The following IL12RB2 variants were observed in gnomAD, a reference collection of about 807,000 sequenced individuals.
IL12RB2 encodes interleukin-12 receptor subunit beta-2.
Under a neutral mutation model 89.4 loss-of-function variants are expected in IL12RB2, and 82 were observed. That is an observed-to-expected ratio of 0.92 (90% CI 0.77 to 1.10). IL12RB2 has a LOEUF of 1.10. IL12RB2 is among the 50% of genes least tolerant of loss of function. The probability of loss-of-function intolerance (pLI) is 0.00; values close to 1 mark genes in which losing one functional copy is unlikely to be tolerated. For missense variants in IL12RB2, 963 were observed against 1,031.9 expected (o/e 0.93, Z 0.92); for synonymous variants, 368 against 370.1 (o/e 0.99, Z 0.07).
At position 67,323,041 on chromosome 1, in the gene IL12RB2, C is replaced by G. The variant is rs1226301903; in HGVS notation, c.364+1152C>G. Among the ~76,000 whole-genome samples, 9 of 152,280 alleles carry G rather than the reference C, an allele frequency of 5.9e-5. No individual in the cohort carries two copies. The East Asian group carries it at 1.7e-3, about 29-fold the overall frequency. Reference sequence around the variant, plus strand: ...GAATTGCTCTAGCAGGCTGGCTGACCAAGCCTCATAGACATCATCTCTGTC... The same window carrying G: ...GAATTGCTCTAGCAGGCTGGCTGACGAAGCCTCATAGACATCATCTCTGTC... On this transcript the variant is annotated intron_variant, in intron 4 of 16. Transcript: ENST00000674203.
chr1:67,370,428 C>A (rs1009399903), intron 11 of IL12RB2, among the ~76,000 whole-genome samples: 1 of 152,150 alleles, frequency 6.6e-6, no homozygotes, highest in Non-Finnish European at 1.5e-5. Flanking sequence ...TCTAGAAAAC[C>A]TTCCCTGCAC....
chr1:67,351,459 T>C (rs192060070), intron 10 of IL12RB2, among the ~76,000 whole-genome samples: 101 of 152,304 alleles, frequency 6.6e-4, no homozygotes, highest in African/African-American at 2.4e-3. Flanking sequence ...GAGAAATACG[T>C]GTTATGTTTC....
chr1:67,398,089 C>T lies in IL12RB2; in HGVS notation c.*2000C>T, dbSNP rs370134784. Among the ~76,000 whole-genome samples, 2 of 152,032 alleles carry T rather than the reference C, an allele frequency of 1.3e-5. No individual in the cohort carries two copies. Among genetic ancestry groups the T allele is most frequent in the Non-Finnish European group, 2.9e-5 (2 of 68,010 alleles). On this transcript the variant is annotated 3_prime_UTR_variant, in exon 17 of 17. Transcript: ENST00000674203. ...TCAGGCTTTTTTTGAAAAGTTCCTT[C>T]GTTTCTATTTCTATTCCACTCTATT...
At position 67,396,244 on chromosome 1, in the gene IL12RB2, A is replaced by G; in HGVS notation, c.*155A>G. The G allele has an allele frequency of 1.4e-6, 1 of 737,928 alleles. No homozygotes were observed. Among genetic ancestry groups the G allele is most frequent in the Non-Finnish European group, 2.5e-6 (1 of 404,694 alleles). The allele number at this position is 737,928 out of a possible 1,614,324, so 45.7% of individuals were successfully genotyped here. ...GGCAAGCCAGCTCTGGGGGAGTCTT[A>G]GGAACTGGGAGTTGGTCTTCACTCA... On this transcript the variant is annotated 3_prime_UTR_variant, in exon 17 of 17. Transcript: ENST00000674203.
At position 67,339,776 on chromosome 1, in the gene IL12RB2, T is replaced by C. The variant is rs539408147; in HGVS notation, c.1038+1073T>C. Among the ~76,000 whole-genome samples, 3 of 152,220 alleles carry C rather than the reference T, an allele frequency of 2.0e-5. No homozygotes were observed. The East Asian group carries it at 5.8e-4, about 29-fold the overall frequency. ...TATCAGAGAGAGGAAAGAGAGGAAG[T>C]TCTTGCCCAAAGTCACCCAGCTACT... On this transcript the variant is annotated intron_variant, in intron 9 of 16. Coordinates refer to ENST00000674203, the MANE Select transcript of IL12RB2 (RefSeq NM_001374259.2).
Position 67,396,363 on chromosome 1 carries a change from G to T in IL12RB2, c.*274G>T. The T allele has an allele frequency of 5.5e-6, 3 of 541,970 alleles. No individual in the cohort carries two copies. Among genetic ancestry groups the T allele is most frequent in the Non-Finnish European group, 1.0e-5 (3 of 299,268 alleles). The allele number at this position is 541,970 out of a possible 1,614,324, so 33.6% of individuals were successfully genotyped here. On this transcript the variant is annotated 3_prime_UTR_variant, in exon 17 of 17. Coordinates refer to ENST00000674203, the MANE Select transcript of IL12RB2 (RefSeq NM_001374259.2). ...ACTTGAATTCCTAGTAACTTTCTTGGTATGCTGGCCAGAAAGGGAAATGAG... is the reference window on the plus strand; with the variant it reads ...ACTTGAATTCCTAGTAACTTTCTTGTTATGCTGGCCAGAAAGGGAAATGAG...
At chr1:67,371,416 GA>G (rs11300482) in intron 11 of IL12RB2, among the ~76,000 whole-genome samples, 21,366 of 144,900 alleles carry the variant, frequency 0.15, 1,600 homozygotes, top group Middle Eastern at 0.22. Context: ...TATTCTTCCT[GA>G]AAAAAAAAAA....
intron 13 of IL12RB2, among the ~76,000 whole-genome samples, chr1:67,376,163 A>T (rs1191591241): frequency 2.0e-5 from 3 of 152,002 alleles, no homozygotes; most frequent in Admixed American, 2.0e-4. Flanking sequence ...ACATTTTTCT[A>T]CTGGAGAACA....
intron 8 of IL12RB2, among the ~76,000 whole-genome samples, chr1:67,331,067 G>A (rs1658017254): frequency 1.3e-5 from 2 of 152,142 alleles, no homozygotes; most frequent in Admixed American, 1.3e-4. Flanking sequence ...TGGTTATAAT[G>A]CTTGGTTATA....
chr1:67,375,302 G>A (rs1423397485), intron 13 of IL12RB2, among the ~76,000 whole-genome samples: 1 of 152,162 alleles, frequency 6.6e-6, no homozygotes, highest in East Asian at 1.9e-4. Context: ...AGGCTGAGGT[G>A]TGAGGATCAC....
chr1:67,379,790 G>A, intron 13 of IL12RB2, 196 bp from the exon 14 acceptor site: 2 of 557,502 alleles, frequency 3.6e-6, no homozygotes, highest in Non-Finnish European at 6.4e-6. Flanking sequence ...ATATGCTGTG[G>A]AGTGAGATGT....
intron 13 of IL12RB2, among the ~76,000 whole-genome samples, chr1:67,377,587 T>A (rs1477150967): frequency 6.6e-6 from 1 of 152,166 alleles, no homozygotes; most frequent in African/African-American, 2.4e-5. Context: ...GAAAAATGCA[T>A]AATTGACCCT....
chr1:67,323,355 G>T (rs962207452), intron 4 of IL12RB2, among the ~76,000 whole-genome samples: 1 of 152,220 alleles, frequency 6.6e-6, no homozygotes, highest in African/African-American at 2.4e-5. Flanking sequence ...AGTAGCATGG[G>T]CTTTGAATCT....
rs199946237 is a variant in IL12RB2 at position 67,390,089 on chromosome 1, A to G, written c.2007A>G (p.Pro669=). The stretch of plus-strand genomic sequence containing the variant: ...GGTGTAGCAGAGAAATTCCAGATCC[A>G]GCAAATAGCACTTGCGCTAAGAAAT... ...PQWCSREIPD[P]ANSTCAKKYP... The change falls in exon 16 of 17, where the codon CCA becomes CCG. Residue 669 remains proline, a synonymous_variant. Coordinates refer to ENST00000674203, the MANE Select transcript of IL12RB2 (RefSeq NM_001374259.2). 2.2e-4 allele frequency: 306 copies of G among 1,379,176 alleles called. No homozygotes were observed. Among genetic ancestry groups the G allele is most frequent in the Non-Finnish European group, 3.0e-4 (287 of 965,378 alleles). The allele number at this position is 1,379,176 out of a possible 1,614,324, so 85.4% of individuals were successfully genotyped here.
At chr1:67,332,619 G>C (rs374475732) in intron 8 of IL12RB2, among the ~76,000 whole-genome samples, 1 of 152,120 alleles carries the variant, frequency 6.6e-6, no homozygotes. Context: ...TTATAATCCA[G>C]AGCTTACTCA....
In IL12RB2 at chr1:67,348,504, C is replaced by T. The variant is rs138682416; in HGVS notation, c.1039-2366C>T. Among the ~76,000 whole-genome samples the T allele has an allele frequency of 2.0e-4, 31 of 152,228 alleles. No homozygotes were observed. In the East Asian group the frequency reaches 5.8e-3, roughly 28 times the overall value. On this transcript the variant is annotated intron_variant, in intron 9 of 16. Transcript: ENST00000674203. Reference sequence around the variant, plus strand: ...CAAGTCACGTCATGTCCCTGGGCCCCTGTTTTCCCACTTATAAAATGAATC... The same window carrying T: ...CAAGTCACGTCATGTCCCTGGGCCCTTGTTTTCCCACTTATAAAATGAATC...
chr1:67,347,248 C>T (rs1660339732), intron 9 of IL12RB2, among the ~76,000 whole-genome samples: 1 of 152,146 alleles, frequency 6.6e-6, no homozygotes, highest in Non-Finnish European at 1.5e-5. Flanking sequence ...CAGATTCCTC[C>T]AGCTTTCTAA....
chr1:67,361,902 A>G (rs1241614010), intron 10 of IL12RB2, among the ~76,000 whole-genome samples: 1 of 152,174 alleles, frequency 6.6e-6, no homozygotes, highest in Non-Finnish European at 1.5e-5. Context: ...GATAAAGAAA[A>G]AACTCTTGAA....
intron 14 of IL12RB2, among the ~76,000 whole-genome samples, chr1:67,383,584 G>T (rs1421679891): frequency 6.6e-6 from 1 of 152,122 alleles, no homozygotes; most frequent in African/African-American, 2.4e-5. Context: ...TATAAAGGGG[G>T]TACAGGCATT....
Sources: allele counts gnomAD v4.1 joint callset (sites outside exome capture counted in the v4.1 genomes callset), GRCh38; gene constraint gnomAD v4.1.1; transcripts MANE v1.5; gene names NCBI Gene and HGNC (gene_info 2026-07-23, HGNC 2026-07-21).